The following CSMD1 variants were observed in gnomAD, a reference collection of about 807,000 sequenced individuals.
CSMD1 encodes the protein CUB and sushi domain-containing protein 1.
A neutral mutation model predicts 417.5 loss-of-function variants in CSMD1; 213 were observed. That is an observed-to-expected ratio of 0.51 (90% CI 0.46 to 0.57). The LOEUF (loss-of-function observed/expected upper bound fraction) is 0.57. Ranked by LOEUF, CSMD1 falls within the 20% of genes least tolerant of loss-of-function variation. CSMD1 has a pLI of 0.00. For synonymous variants in CSMD1, 2,862 were observed against 1,736.8 expected, an observed-to-expected ratio of 1.65 and a Z score of -16.11; for missense variants, 6,923 against 4,529.7, an observed-to-expected ratio of 1.53 and a Z score of -15.17.
At chr8:3,379,462 A>G (rs547810167) in intron 18 of CSMD1, among the ~76,000 whole-genome samples, 1 of 152,350 alleles carries the variant, frequency 6.6e-6, no homozygotes, top group South Asian at 2.1e-4. Context: ...CCAAAAGAAC[A>G]TAGTTGGAGG....
chr8:3,582,933 G>A (rs1266217600), intron 9 of CSMD1, among the ~76,000 whole-genome samples: 1 of 152,124 alleles, frequency 6.6e-6, no homozygotes, highest in African/African-American at 2.4e-5. Flanking sequence ...TCCTGTGAAG[G>A]GATTTTGGAG....
intron 1 of CSMD1, among the ~76,000 whole-genome samples, chr8:4,921,462 T>C (rs1806495567): frequency 1.3e-5 from 2 of 152,364 alleles, no homozygotes; most frequent in Non-Finnish European, 2.9e-5. Context: ...AATGTCTTTA[T>C]ACTGTCCCCT....
At chr8:3,875,364 G>C (rs1232489342) in intron 5 of CSMD1, among the ~76,000 whole-genome samples, 1 of 152,224 alleles carries the variant, frequency 6.6e-6, no homozygotes, top group Non-Finnish European at 1.5e-5. Flanking sequence ...AGGACAGTGA[G>C]TGACGTTTTG....
chr8:4,003,155 A>C (rs1286709422), intron 4 of CSMD1, among the ~76,000 whole-genome samples: 1 of 152,108 alleles, frequency 6.6e-6, no homozygotes, highest in Non-Finnish European at 1.5e-5. Context: ...ACACTTTGGG[A>C]GCCCTAGGAG....
intron 3 of CSMD1, among the ~76,000 whole-genome samples, chr8:4,161,017 T>C (rs938800961): frequency 7.9e-5 from 12 of 152,142 alleles, no homozygotes; most frequent in African/African-American, 2.2e-4. Context: ...CTTCTTCTGG[T>C]TTGCATTAAA....
At chr8:4,102,040 CAA>C (rs1181977586) in intron 3 of CSMD1, among the ~76,000 whole-genome samples, 2 of 152,126 alleles carry the variant, frequency 1.3e-5, no homozygotes, top group South Asian at 2.1e-4. Context: ...GCAGAAATCC[CAA>C]GTCAGTCTTC....
chr8:3,757,790 A>C (rs950204544), intron 5 of CSMD1, among the ~76,000 whole-genome samples: 1 of 151,810 alleles, frequency 6.6e-6, no homozygotes. Context: ...CAGAGGTTGC[A>C]GTGAGTTGAG....
At position 4,294,534 on chromosome 8, in the gene CSMD1, C is replaced by G. The variant is rs1427883210; in HGVS notation, c.415+125419G>C. Among the ~76,000 whole-genome samples the G allele has an allele frequency of 3.3e-5, 5 of 152,134 alleles. No individual in the cohort carries two copies. In the South Asian group the frequency reaches 6.2e-4, roughly 19 times the overall value. On this transcript the variant is annotated intron_variant, in intron 3 of 69. Coordinates refer to ENST00000635120, the MANE Select transcript of CSMD1 (RefSeq NM_033225.6). Reference sequence around the variant, plus strand: ...TGAGTTCCTCCACTTTGCAGATGAGCAAACACAAATCACTTGTCCATGGTG... The same window carrying G: ...TGAGTTCCTCCACTTTGCAGATGAGGAAACACAAATCACTTGTCCATGGTG...
intron 3 of CSMD1, among the ~76,000 whole-genome samples, chr8:4,035,811 T>G (rs537259663): frequency 6.6e-6 from 1 of 152,170 alleles, no homozygotes; most frequent in East Asian, 1.9e-4. Flanking sequence ...AATGTGTTTT[T>G]ATACATTTAG....
chr8:3,389,368 T>A (rs934534864), intron 17 of CSMD1, among the ~76,000 whole-genome samples: 3 of 152,098 alleles, frequency 2.0e-5, no homozygotes, highest in African/African-American at 7.2e-5. Flanking sequence ...ACATGCGGCG[T>A]TTGGTTGCCT....
At chr8:3,353,357 T>C (rs1313268182) in intron 21 of CSMD1, among the ~76,000 whole-genome samples, 1 of 152,220 alleles carries the variant, frequency 6.6e-6, no homozygotes, top group Non-Finnish European at 1.5e-5. Context: ...TCTCCATTCC[T>C]ATCTGCTCTC....
intron 2 of CSMD1, among the ~76,000 whole-genome samples, chr8:4,470,334 A>G (rs141840516): frequency 3.0e-4 from 45 of 152,250 alleles, no homozygotes; most frequent in African/African-American, 1.0e-3. Context: ...ACGTGGCGTC[A>G]CTTGACTACG....
At chr8:3,446,134 A>G (rs1186917292) in intron 12 of CSMD1, among the ~76,000 whole-genome samples, 2 of 152,178 alleles carry the variant, frequency 1.3e-5, no homozygotes, top group Admixed American at 1.3e-4. Flanking sequence ...AATAGAATTG[A>G]CTGCAAGAAA....
At chr8:4,094,246 C>G (rs1042122111) in intron 3 of CSMD1, among the ~76,000 whole-genome samples, 2 of 152,004 alleles carry the variant, frequency 1.3e-5, no homozygotes, top group African/African-American at 2.4e-5. Flanking sequence ...GACAAGTTGA[C>G]TGTTTGTAAA....
chr8:3,902,532 C>G (rs1010927730), intron 5 of CSMD1, among the ~76,000 whole-genome samples: 1 of 152,058 alleles, frequency 6.6e-6, no homozygotes, highest in Admixed American at 6.5e-5. Flanking sequence ...ATTAGATTCT[C>G]ACAAGGAGCT....
At chr8:4,730,336 CTA>C (rs1211179751) in intron 1 of CSMD1, among the ~76,000 whole-genome samples, 1 of 152,022 alleles carries the variant, frequency 6.6e-6, no homozygotes, top group African/African-American at 2.4e-5. Context: ...ATGTTGCAGG[CTA>C]TATAGAAAGC....
Position 3,142,608 on chromosome 8 carries a change from C to G in CSMD1, c.6098G>C (p.Gly2033Ala). 2 of 1,613,788 alleles carry G rather than the reference C, an allele frequency of 1.2e-6. No homozygotes were observed. The highest frequency in any genetic ancestry group is 1.7e-6 in the Non-Finnish European group (2 of 1,179,828). ...AATCATGGGGCTGGTGTGGTAAGGT[C>G]CATTTTGAATTTCAAGGAAGTCATG... ...ANHDFLEIQN[G>A]PYHTSPMIGQ... Residue 2033 changes from glycine to alanine, a missense_variant, in exon 41 of 70, where the codon GGA becomes GCA. By Grantham distance (60) the Gly-to-Ala change is moderately conservative. Coordinates refer to ENST00000635120, the MANE Select transcript of CSMD1 (RefSeq NM_033225.6).
intron 1 of CSMD1, among the ~76,000 whole-genome samples, chr8:4,735,498 A>G (rs942142380): frequency 6.6e-6 from 1 of 152,180 alleles, no homozygotes. Flanking sequence ...TTTATGCAAC[A>G]TTTTAATGCA....
At chr8:4,403,829 G>A (rs1804825072) in intron 3 of CSMD1, among the ~76,000 whole-genome samples, 1 of 152,066 alleles carries the variant, frequency 6.6e-6, no homozygotes, top group Admixed American at 6.6e-5. Context: ...AATGGCATCT[G>A]CCATTGGGTG....
Sources: allele counts gnomAD v4.1 joint callset (sites outside exome capture counted in the v4.1 genomes callset), GRCh38; gene constraint gnomAD v4.1.1; transcripts MANE v1.5; gene names NCBI Gene and HGNC (gene_info 2026-07-23, HGNC 2026-07-21).